PTN: variants seen among roughly 807,000 people sequenced by gnomAD.
PTN encodes pleiotrophin.
PTN carries 18 observed loss-of-function variants against 24.1 expected under a neutral mutation model. That is an observed-to-expected ratio of 0.75 (90% confidence interval 0.52 to 1.11). The LOEUF (loss-of-function observed/expected upper bound fraction) is 1.11. Ranked by LOEUF, PTN falls within the 50% of genes least tolerant of loss-of-function variation. The pLI is 0.00. For missense variants in PTN, 163 were observed against 198.8 expected (o/e 0.82, Z 1.08); for synonymous variants, 78 against 68.6 (o/e 1.14, Z -0.67).
chr7:137,341,300 C>T (rs970868212), intron 1 of PTN, among the ~76,000 whole-genome samples: 2 of 152,016 alleles, frequency 1.3e-5, no homozygotes, highest in Non-Finnish European at 2.9e-5. Context: ...ATTGGCTTGA[C>T]TGAAATTTTT....
At chr7:137,257,873 C>A (rs1057228428) in intron 1 of PTN, among the ~76,000 whole-genome samples, 2 of 152,074 alleles carry the variant, frequency 1.3e-5, no homozygotes, top group Non-Finnish European at 2.9e-5. Flanking sequence ...TCCTATGATA[C>A]CTACAGCAAG....
chr7:137,282,886 A>G (rs1260531548), intron 1 of PTN, among the ~76,000 whole-genome samples: 2 of 152,220 alleles, frequency 1.3e-5, no homozygotes. Flanking sequence ...GTATGGAGAC[A>G]TATGTATCTC....
chr7:137,296,837 C>G (rs1375326195), intron 1 of PTN, among the ~76,000 whole-genome samples: 1 of 152,004 alleles, frequency 6.6e-6, no homozygotes, highest in Admixed American at 6.6e-5. Context: ...ATTCCTGGCT[C>G]TCCACCAAAC....
intron 3 of PTN, 53 bp from the exon 4 acceptor site, chr7:137,251,444 C>A: frequency 6.4e-7 from 1 of 1,569,144 alleles, no homozygotes; most frequent in South Asian, 1.1e-5. Context: ...TATCGTACTT[C>A]CAGGATAATA....
chr7:137,244,374 A>ATTT (rs1242182641), intron 4 of PTN, among the ~76,000 whole-genome samples: 20 of 131,110 alleles, frequency 1.5e-4, no homozygotes, highest in Middle Eastern at 4.3e-3. Context: ...TCTCCTCAGA[A>ATTT]TTTTTTTTTT....
chr7:137,240,494 A>G (rs533725971), intron 4 of PTN, among the ~76,000 whole-genome samples: 23 of 152,360 alleles, frequency 1.5e-4, no homozygotes, highest in African/African-American at 3.8e-4. Flanking sequence ...TAGAGCACAT[A>G]GCACTTGCTC....
intron 4 of PTN, among the ~76,000 whole-genome samples, chr7:137,234,866 T>G (rs1808492516): frequency 6.6e-6 from 1 of 152,082 alleles, no homozygotes; most frequent in Non-Finnish European, 1.5e-5. Flanking sequence ...TTAACTAAAG[T>G]GACTCAGGCC....
In PTN at chr7:137,252,422, G is replaced by A. The variant is rs942685220; in HGVS notation, c.290-1031C>T. On this transcript the variant is annotated intron_variant, in intron 3 of 4. Transcript: ENST00000348225. ...TTTTGTTTTTTGTTGTTGTTGTTTT[G>A]TTGTTTACTGTTGAGTTTGAGAGTT... Among the ~76,000 whole-genome samples, 6 of 151,788 alleles carry A rather than the reference G, an allele frequency of 4.0e-5. No individual in the cohort carries two copies. The East Asian group carries it at 9.6e-4, about 24-fold the overall frequency.
At chr7:137,288,882 C>T (rs967034844) in intron 1 of PTN, among the ~76,000 whole-genome samples, 4 of 152,104 alleles carry the variant, frequency 2.6e-5, no homozygotes, top group East Asian at 1.9e-4. Flanking sequence ...AATTTTAAAA[C>T]GCCAAGAGAA....
intron 1 of PTN, among the ~76,000 whole-genome samples, chr7:137,325,080 G>C (rs1810236858): frequency 6.6e-6 from 1 of 152,268 alleles, no homozygotes; most frequent in Admixed American, 6.5e-5. Context: ...GAAATTGCAA[G>C]ATTTTACCCT....
chr7:137,278,458 G>A (rs1053448869), intron 1 of PTN, among the ~76,000 whole-genome samples: 12 of 152,104 alleles, frequency 7.9e-5, no homozygotes, highest in Non-Finnish European at 1.2e-4. Context: ...AAACTGAAAG[G>A]ATGGGAGAAG....
intron 4 of PTN, among the ~76,000 whole-genome samples, chr7:137,228,400 G>A (rs1404527392): frequency 6.6e-6 from 1 of 151,650 alleles, no homozygotes; most frequent in Non-Finnish European, 1.5e-5. Flanking sequence ...ATTGACTTGG[G>A]GTCCTGCTTA....
In PTN at chr7:137,306,259, A is replaced by C. The variant is rs371736281; in HGVS notation, c.-2+37180T>G. Among the ~76,000 whole-genome samples, 24 of 152,194 alleles carry C rather than the reference A, an allele frequency of 1.6e-4. No homozygotes were observed. In the South Asian group the frequency reaches 4.4e-3, roughly 28 times the overall value. On this transcript the variant is annotated intron_variant, in intron 1 of 4. Transcript: ENST00000348225. ...GTCATTATTCACCCATTATTATGAA[A>C]TTGATGGGCTCTAAGTCTCTCCGGT...
chr7:137,247,679 G>A (rs368672469), intron 4 of PTN, among the ~76,000 whole-genome samples: 3 of 152,068 alleles, frequency 2.0e-5, no homozygotes, highest in African/African-American at 7.2e-5. Context: ...TTACTCCAAG[G>A]ATAAATGCTT....
chr7:137,269,682 G>C (rs940076667), intron 1 of PTN, among the ~76,000 whole-genome samples: 1 of 137,096 alleles, frequency 7.3e-6, no homozygotes, highest in Non-Finnish European at 1.5e-5. Context: ...CACCAGGCTG[G>C]AGTCCAGTGG....
chr7:137,278,049 T>G (rs1809394785), intron 1 of PTN, among the ~76,000 whole-genome samples: 1 of 151,964 alleles, frequency 6.6e-6, no homozygotes, highest in South Asian at 2.1e-4. Flanking sequence ...GGCTCACGCC[T>G]GTAATCCCAG....
intron 1 of PTN, among the ~76,000 whole-genome samples, chr7:137,333,056 G>A (rs1376669506): frequency 6.6e-6 from 1 of 152,194 alleles, no homozygotes; most frequent in Non-Finnish European, 1.5e-5. Flanking sequence ...CATGGGAGTA[G>A]ATTCCCTCAT....
At chr7:137,237,922 C>T (rs772055461) in intron 4 of PTN, among the ~76,000 whole-genome samples, 47 of 152,076 alleles carry the variant, frequency 3.1e-4, no homozygotes, top group Non-Finnish European at 6.0e-4. Context: ...GAAAGCCTAG[C>T]AAGAGAAAGG....
At chr7:137,285,861 A>G (rs952664799) in intron 1 of PTN, among the ~76,000 whole-genome samples, 1 of 152,208 alleles carries the variant, frequency 6.6e-6, no homozygotes, top group African/African-American at 2.4e-5. Context: ...TAAGTGAGTA[A>G]ATTTTAAAAG....
Sources: gnomAD v4.1 joint callset for allele counts (sites outside exome capture counted in the v4.1 genomes callset) on GRCh38, gnomAD v4.1.1 for gene constraint, MANE v1.5 for transcripts, NCBI Gene and HGNC (gene_info 2026-07-23, HGNC 2026-07-21) for gene names.